CYP27B1: variants seen among roughly 807,000 people sequenced by gnomAD.
CYP27B1 encodes 25-hydroxyvitamin D-1 alpha hydroxylase, mitochondrial.
In CYP27B1, 46 loss-of-function variants were observed where a neutral mutation model predicts 54.8. That is an observed-to-expected ratio of 0.84 (90% CI 0.66 to 1.07). The LOEUF (loss-of-function observed/expected upper bound fraction) is 1.07. Ranked by LOEUF, CYP27B1 falls within the 50% of genes least tolerant of loss-of-function variation. The pLI is 0.00. For missense variants in CYP27B1, 674 were observed against 692.2 expected (o/e 0.97, Z 0.30); for synonymous variants, 292 against 297.3 (o/e 0.98, Z 0.18).
rs556234365 is a variant in CYP27B1 at position 57,765,926 on chromosome 12, C to G, written c.386+81G>C. Reference sequence around the variant, plus strand: ...GGGACAGCCGACCTCCCACCATGCCCCCAGATTGATAGTTTCGGGACCCGC... The same window carrying G: ...GGGACAGCCGACCTCCCACCATGCCGCCAGATTGATAGTTTCGGGACCCGC... On this transcript the variant is annotated intron_variant, in intron 2 of 8. Coordinates refer to ENST00000228606, the MANE Select transcript of CYP27B1 (RefSeq NM_000785.4). The surrounding 1 kb of genome is among the most constrained non-coding windows in gnomAD (Gnocchi z 5.8). 6.8e-7 allele frequency: 1 copy of G among 1,462,282 alleles called. No individual in the cohort carries two copies. The highest frequency in any genetic ancestry group is 1.4e-5 in the African/African-American group (1 of 70,280). The allele number at this position is 1,462,282 out of a possible 1,614,324, so 90.6% of individuals were successfully genotyped here. A position where few individuals can be genotyped will look rare whatever the true frequency, so the allele number is the denominator to read the frequency against.
In CYP27B1 at chr12:57,765,573, G is replaced by A. The variant is rs1399027980; in HGVS notation, c.387-74C>T. On this transcript the variant is annotated intron_variant, in intron 2 of 8. Coordinates refer to ENST00000228606, the MANE Select transcript of CYP27B1 (RefSeq NM_000785.4). The surrounding 1 kb of genome is among the most constrained non-coding windows in gnomAD (Gnocchi z 5.8). ...ACGGGACTGGCTGCAGTGAAGGAGC[G>A]CGTTCGGCTGCGGTGGCCAGGAGAG... The A allele has an allele frequency of 1.4e-6, 2 of 1,456,706 alleles. No homozygotes were observed. Among genetic ancestry groups the A allele is most frequent in the Non-Finnish European group, 9.5e-7 (1 of 1,057,704 alleles). The allele number at this position is 1,456,706 out of a possible 1,614,324, so 90.2% of individuals were successfully genotyped here.
At chr12:57,764,349 C>T in intron 6 of CYP27B1, 29 bp downstream of exon 6, 1 of 1,614,026 alleles carries the variant, frequency 6.2e-7, no homozygotes, top group Non-Finnish European at 8.5e-7. Context: ...TTGGCATTTC[C>T]TCTTGTTCCT....
chr12:57,763,578 G>T (rs746019534), intron 8 of CYP27B1, 33 bp downstream of exon 8: 3 of 1,592,062 alleles, frequency 1.9e-6, no homozygotes, highest in East Asian at 2.2e-5. Context: ...GGTCTCTCCA[G>T]TCTGGGGAAG....
chr12:57,765,148 G>A lies in CYP27B1; in HGVS notation c.653C>T (p.Thr218Met). The A allele has an allele frequency of 6.2e-7, 1 of 1,613,822 alleles. No homozygotes were observed. The highest frequency in any genetic ancestry group is 1.7e-5 in the Admixed American group (1 of 60,024). The change falls in exon 4 of 9, where the codon ACG (threonine) becomes ATG (methionine). Residue 218 changes from threonine (T) to methionine (M), a missense_variant. Thr to Met is a moderately conservative substitution (Grantham distance 81). Transcript: ENST00000228606. This position sits in a 1 kb window ranked among gnomAD's most constrained non-coding sequence, Gnocchi z 5.8. Reference protein sequence around the residue: ...GCLEAQVPPDTETFIRAVGSV... With the variant: ...GCLEAQVPPDMETFIRAVGSV... Reference sequence around the variant, plus strand: ...GCCCACAGCGCGGATGAAGGTCTCCGTGTCGGGTGGCACTTGAGCCTCCAG... The same window carrying A: ...GCCCACAGCGCGGATGAAGGTCTCCATGTCGGGTGGCACTTGAGCCTCCAG...
rs1955332339 is a variant in CYP27B1, at chr12:57,763,186, G to C, written c.1483C>G (p.Leu495Val). 2 of 1,614,176 alleles carry C rather than the reference G, an allele frequency of 1.2e-6. No individual in the cohort carries two copies. The highest frequency in any genetic ancestry group is 1.7e-6 in the Non-Finnish European group (2 of 1,180,010). The change falls in exon 9 of 9, where the codon CTG (leucine) becomes GTG (valine). Residue 495 changes from leucine to valine, a missense_variant. Transcript: ENST00000228606. ...APVRPKTRTV[L>V]VPERSINLQF... ...AGGTTGATGCTCCTTTCAGGTACCA[G>C]GACAGTCCGGGTCTTGGGTCTAACT... is the stretch of plus-strand genomic sequence containing the variant.
rs575378164 is a variant in CYP27B1, at chr12:57,765,672, A to G, written c.387-173T>C. The G allele has an allele frequency of 5.1e-4, 454 of 889,570 alleles. No homozygotes were observed. The highest frequency in any genetic ancestry group is 4.8e-4 in the Non-Finnish European group (265 of 548,302). The allele number at this position is 889,570 out of a possible 1,614,324, so 55.1% of individuals were successfully genotyped here. A position where few individuals can be genotyped will look rare whatever the true frequency, so the allele number is the denominator to read the frequency against. The stretch of plus-strand genomic sequence containing the variant: ...CTGTCTTCCAGCCCCCTTCCTCTTT[A>G]CTCATTTCCTGCCCTCAGGGGCCGG... On this transcript the variant is annotated intron_variant, in intron 2 of 8. Coordinates refer to ENST00000228606, the MANE Select transcript of CYP27B1 (RefSeq NM_000785.4). This position sits in a 1 kb window ranked among gnomAD's most constrained non-coding sequence, Gnocchi z 5.8.
At chr12:57,764,254 C>G in intron 6 of CYP27B1, 78 bp from the exon 7 acceptor site, 1 of 1,568,850 alleles carries the variant, frequency 6.4e-7, no homozygotes, top group Non-Finnish European at 8.8e-7. Context: ...TTCCAACTTC[C>G]AAACCCTTTT....
Position 57,765,684 on chromosome 12 carries a change from C to A in CYP27B1, c.387-185G>T. ...CCCCTTCCTCTTTACTCATTTCCTG[C>A]CCTCAGGGGCCGGGGTTCCCGGGTA... On this transcript the variant is annotated intron_variant, in intron 2 of 8. Transcript: ENST00000228606. The surrounding 1 kb of genome is among the most constrained non-coding windows in gnomAD (Gnocchi z 5.8). The A allele has an allele frequency of 1.2e-6, 1 of 863,516 alleles. No individual in the cohort carries two copies. The allele number at this position is 863,516 out of a possible 1,614,324, so 53.5% of individuals were successfully genotyped here.
chr12:57,762,587 C>G lies in CYP27B1; in HGVS notation c.*555G>C, dbSNP rs1022539219. 5.7e-6 allele frequency: 1 copy of G among 175,900 alleles called. No individual in the cohort carries two copies. The highest frequency in any genetic ancestry group is 1.2e-5 in the Non-Finnish European group (1 of 80,724). 10.9% of individuals were successfully genotyped at this position (175,900 alleles called of 1,614,324 possible). A position where few individuals can be genotyped will look rare whatever the true frequency, so the allele number is the denominator to read the frequency against. ...GGGTAGACAGAGCCTACTAAGTAAG[C>G]TGCTTATCCCTTCTGCCACATGGTT... On this transcript the variant is annotated 3_prime_UTR_variant, in exon 9 of 9. Transcript: ENST00000228606.
Position 57,764,166 on chromosome 12 carries a change from CAG to C in CYP27B1, c.1145_1146del (p.Pro382ArgfsTer17). 6.2e-7 allele frequency: 1 copy of C among 1,613,736 alleles called. No individual in the cohort carries two copies. The highest frequency in any genetic ancestry group is 2.2e-5 in the East Asian group (1 of 44,886). On this transcript the variant is annotated frameshift_variant, in exon 7 of 9. Transcript: ENST00000228606. LOFTEE classifies it high-confidence loss of function. ...AVVKEVLRLY[P>X]VVPGNSRVPD... ...GGGACACGAGAATTTCCAGGTACCA[CAG>C]GGTACAGTCTAGGTTGCAAAGCACA...
chr12:57,764,942 G>T lies in CYP27B1; in HGVS notation c.791-16C>A. The T allele has an allele frequency of 1.9e-6, 3 of 1,614,102 alleles. No homozygotes were observed. The highest frequency in any genetic ancestry group is 1.1e-5 in the South Asian group (1 of 91,082). On this transcript the variant is annotated splice_polypyrimidine_tract_variant and intron_variant, in intron 4 of 8. Coordinates refer to ENST00000228606, the MANE Select transcript of CYP27B1 (RefSeq NM_000785.4). ...TGCCTCTGAGCTGCGTGGGTAGAAG[G>T]CACGTGAATACCTCGCTACCCCTGG...
At position 57,766,216 on chromosome 12, in the gene CYP27B1, C is replaced by T. The variant is rs912819867; in HGVS notation, c.196-19G>A. The T allele has an allele frequency of 1.2e-4, 176 of 1,523,274 alleles. No homozygotes were observed. The highest frequency in any genetic ancestry group is 1.4e-4 in the Non-Finnish European group (164 of 1,133,700). 94.4% of individuals were successfully genotyped at this position (1,523,274 alleles called of 1,614,324 possible). A position where few individuals can be genotyped will look rare whatever the true frequency, so the allele number is the denominator to read the frequency against. ...CCTGCACCTGGGGGAGCGGACACAG[C>T]GGACACTTGGATACCTGGGCGGGGA... On this transcript the variant is annotated intron_variant, in intron 1 of 8. Coordinates refer to ENST00000228606, the MANE Select transcript of CYP27B1 (RefSeq NM_000785.4).
intron 1 of CYP27B1, chr12:57,766,442 T>C: frequency 1.8e-6 from 1 of 568,208 alleles, no homozygotes. Context: ...ACCTCTCTGA[T>C]CATCTCGGTC....
chr12:57,765,824 G>C lies in CYP27B1; in HGVS notation c.386+183C>G. 4 of 1,203,074 alleles carry C rather than the reference G, an allele frequency of 3.3e-6. No homozygotes were observed. The highest frequency in any genetic ancestry group is 4.5e-6 in the Non-Finnish European group (4 of 886,654). The allele number at this position is 1,203,074 out of a possible 1,614,324, so 74.5% of individuals were successfully genotyped here. ...CCTCAAAGGATAAGGAGGTAGGCGG[G>C]GAGTGAGGTTGGGGCTCAACCTGAG... On this transcript the variant is annotated intron_variant, in intron 2 of 8. Coordinates refer to ENST00000228606, the MANE Select transcript of CYP27B1 (RefSeq NM_000785.4). This position sits in a 1 kb window ranked among gnomAD's most constrained non-coding sequence, Gnocchi z 5.8.
Position 57,763,001 on chromosome 12 carries a change from C to T in CYP27B1, c.*141G>A, listed in dbSNP as rs952242194. The T allele has an allele frequency of 1.4e-6, 1 of 705,956 alleles. No individual in the cohort carries two copies. Among genetic ancestry groups the T allele is most frequent in the Non-Finnish European group, 2.6e-6 (1 of 386,250 alleles). The allele number at this position is 705,956 out of a possible 1,614,324, so 43.7% of individuals were successfully genotyped here. A position where few individuals can be genotyped will look rare whatever the true frequency, so the allele number is the denominator to read the frequency against. ...ATACTTCACACATTGGTCAGGGCCG[C>T]CTCACACTTCACTATGGTGGTTCTA... On this transcript the variant is annotated 3_prime_UTR_variant, in exon 9 of 9. Coordinates refer to ENST00000228606, the MANE Select transcript of CYP27B1 (RefSeq NM_000785.4).
intron 6 of CYP27B1, 59 bp downstream of exon 6, chr12:57,764,319 G>A: frequency 6.2e-7 from 1 of 1,606,444 alleles, no homozygotes; most frequent in East Asian, 2.2e-5. Flanking sequence ...CCATCCACTA[G>A]TTGCTTCCCC....
intron 6 of CYP27B1, 33 bp downstream of exon 6, chr12:57,764,345 T>C: frequency 6.2e-7 from 1 of 1,613,932 alleles, no homozygotes; most frequent in Non-Finnish European, 8.5e-7. Flanking sequence ...TTCCTTGGCA[T>C]TTCCTCTTGT....
At position 57,763,274 on chromosome 12, in the gene CYP27B1, G is replaced by A. The variant is rs1403222295; in HGVS notation, c.1414-19C>T. 6 of 1,559,684 alleles carry A rather than the reference G, an allele frequency of 3.8e-6. No individual in the cohort carries two copies. The highest frequency in any genetic ancestry group is 5.3e-6 in the Non-Finnish European group (6 of 1,131,208). ...TTAGGATCTGGAAAGGGAAGAAGGT[G>A]AGCATTACTATGAAAGATATCTATA... On this transcript the variant is annotated intron_variant, in intron 8 of 8. Coordinates refer to ENST00000228606, the MANE Select transcript of CYP27B1 (RefSeq NM_000785.4).
Position 57,762,812 on chromosome 12 carries a change from T to C in CYP27B1, c.*330A>G. 2.7e-6 allele frequency: 1 copy of C among 368,698 alleles called. No homozygotes were observed. The highest frequency in any genetic ancestry group is 2.2e-5 in the South Asian group (1 of 45,818). 22.8% of individuals were successfully genotyped at this position (368,698 alleles called of 1,614,324 possible). On this transcript the variant is annotated 3_prime_UTR_variant, in exon 9 of 9. Transcript: ENST00000228606. ...CTTAGCCAGCAGCATCAATGAACAC[T>C]ATGAAAGCCCAAAAAGAGAGGCAGT...
Sources: gnomAD v4.1 joint callset for allele counts on GRCh38, gnomAD v4.1.1 for gene constraint, Gnocchi (gnomAD v3.1) non-coding constraint, MANE v1.5 for transcripts, NCBI Gene and HGNC (gene_info 2026-07-23, HGNC 2026-07-21) for gene names.